The following ACAP2 variants were observed in gnomAD, a reference collection of about 807,000 sequenced individuals.
The protein encoded by ACAP2 is arf-GAP with coiled-coil, ANK repeat and PH domain-containing protein 2.
A neutral mutation model predicts 115.8 loss-of-function variants in ACAP2; 39 were observed. That is an observed-to-expected ratio of 0.34 (90% CI 0.26 to 0.44). ACAP2 has a LOEUF of 0.44. Ranked by LOEUF, ACAP2 falls within the 20% of genes least tolerant of loss-of-function variation. The pLI is 1.00. For missense variants in ACAP2, 662 were observed against 927.6 expected (o/e 0.71, Z 3.72); for synonymous variants, 289 against 315.8 (o/e 0.92, Z 0.90).
intron 4 of ACAP2, among the ~76,000 whole-genome samples, chr3:195,360,528 G>A (rs1183860782): frequency 6.6e-6 from 1 of 152,230 alleles, no homozygotes; most frequent in Non-Finnish European, 1.5e-5. Flanking sequence ...AGGTGCAGTG[G>A]CTCATGCCTG....
chr3:195,383,555 CAAAGAGA>C (rs1333354265), intron 2 of ACAP2, among the ~76,000 whole-genome samples: 1 of 146,754 alleles, frequency 6.8e-6, no homozygotes, highest in Non-Finnish European at 1.5e-5. Context: ...AATCAGAAAT[CAAAGAGA>C]AAAGAGAAGG....
chr3:195,405,331 C>G (rs1399287083), intron 1 of ACAP2, among the ~76,000 whole-genome samples: 3 of 152,198 alleles, frequency 2.0e-5, no homozygotes, highest in Non-Finnish European at 2.9e-5. Context: ...AGCCCAATCA[C>G]TTCCAATTAA....
chr3:195,376,840 A>G (rs1475288880), intron 4 of ACAP2, among the ~76,000 whole-genome samples: 1 of 152,210 alleles, frequency 6.6e-6, no homozygotes, highest in Non-Finnish European at 1.5e-5. Flanking sequence ...AAACTGATAT[A>G]CCAAAGCCCA....
At chr3:195,279,599 TGAAA>T (rs1726355622) in intron 22 of ACAP2, 171 bp from the exon 23 acceptor site, 5 of 416,388 alleles carry the variant, frequency 1.2e-5, no homozygotes, top group Non-Finnish European at 1.7e-5. Context: ...AATTATGCAA[TGAAA>T]GAAAAAAAAA....
At chr3:195,330,035 A>C (rs983592273) in intron 8 of ACAP2, among the ~76,000 whole-genome samples, 5 of 152,070 alleles carry the variant, frequency 3.3e-5, no homozygotes, top group African/African-American at 1.2e-4. Context: ...ATTCAGAGAT[A>C]TCTAACTCAC....
intron 1 of ACAP2, among the ~76,000 whole-genome samples, chr3:195,413,432 A>T (rs1378845313): frequency 6.6e-6 from 1 of 152,140 alleles, no homozygotes; most frequent in Non-Finnish European, 1.5e-5. Context: ...CTCAACAATA[A>T]AACATACAAC....
chr3:195,297,615 T>C (rs1727741118), intron 15 of ACAP2, among the ~76,000 whole-genome samples: 1 of 152,066 alleles, frequency 6.6e-6, no homozygotes, highest in African/African-American at 2.4e-5. Context: ...GCAAGAAGTA[T>C]GACAACAAAG....
chr3:195,332,628 T>C (rs1730248362), intron 8 of ACAP2, among the ~76,000 whole-genome samples: 1 of 152,124 alleles, frequency 6.6e-6, no homozygotes. Context: ...ATAATCCCCA[T>C]AATCCTCACG....
chr3:195,411,935 T>C (rs1713297324), intron 1 of ACAP2, among the ~76,000 whole-genome samples: 1 of 150,820 alleles, frequency 6.6e-6, no homozygotes, highest in Non-Finnish European at 1.5e-5. Flanking sequence ...AAACAAATTG[T>C]TTTTAAGCTG....
intron 4 of ACAP2, among the ~76,000 whole-genome samples, chr3:195,351,912 G>A (rs1731636835): frequency 6.6e-6 from 1 of 152,188 alleles, no homozygotes; most frequent in African/African-American, 2.4e-5. Context: ...TATGCCAAGT[G>A]TTGCTGAGCA....
At chr3:195,304,163 C>CAAAAAAAAAA (rs56055597) in intron 13 of ACAP2, among the ~76,000 whole-genome samples, 1 of 63,274 alleles carries the variant, frequency 1.6e-5, no homozygotes, top group Non-Finnish European at 2.6e-5. Flanking sequence ...GACTCCATCT[C>CAAAAAAAAAA]AAAAAAAAAA....
In ACAP2 at chr3:195,288,975, T is replaced by C. The variant is rs910835139; in HGVS notation, c.2174+146A>G. On this transcript the variant is annotated intron_variant, in intron 21 of 22. Coordinates refer to ENST00000326793, the MANE Select transcript of ACAP2 (RefSeq NM_012287.6). ...CATGGGAGGAGGTATGTAAGTTATA[T>C]GTAAATACATACCATTTTATATAAG... The C allele has an allele frequency of 6.9e-6, 4 of 578,224 alleles. 1 individual carries two copies. The highest frequency in any genetic ancestry group is 5.1e-5 in the South Asian group (2 of 39,286). The allele number at this position is 578,224 out of a possible 1,614,324, so 35.8% of individuals were successfully genotyped here.
intron 14 of ACAP2, 146 bp downstream of exon 14, chr3:195,301,820 G>T: frequency 8.4e-7 from 1 of 1,188,662 alleles, no homozygotes; most frequent in Non-Finnish European, 1.2e-6. Context: ...TACAAACCAG[G>T]ATTTTAACTA....
intron 8 of ACAP2, among the ~76,000 whole-genome samples, chr3:195,330,859 C>T (rs962548886): frequency 6.6e-6 from 1 of 152,006 alleles, no homozygotes; most frequent in Admixed American, 6.5e-5. Flanking sequence ...AGAGAGAAAA[C>T]ATATCTTTCA....
chr3:195,329,481 T>C (rs1199997809), intron 8 of ACAP2, among the ~76,000 whole-genome samples: 1 of 152,200 alleles, frequency 6.6e-6, no homozygotes, highest in East Asian at 1.9e-4. Context: ...TACCATCTGC[T>C]TTTAAGTTGG....
At chr3:195,426,941 C>T (rs966014231) in intron 1 of ACAP2, among the ~76,000 whole-genome samples, 4 of 151,984 alleles carry the variant, frequency 2.6e-5, no homozygotes, top group African/African-American at 4.8e-5. Flanking sequence ...CGCCACCCGC[C>T]CCCACCAAGG....
Position 195,392,167 on chromosome 3 carries a change from A to G in ACAP2, c.54-20T>C. 1 of 1,592,082 alleles carries G rather than the reference A, an allele frequency of 6.3e-7. No individual in the cohort carries two copies. The highest frequency in any genetic ancestry group is 1.3e-5 in the African/African-American group (1 of 74,260). On this transcript the variant is annotated intron_variant, in intron 1 of 22. Transcript: ENST00000326793. Reference sequence around the variant, plus strand: ...GCTGCCCTAGAAAAATTAAATATAAAATAAGTTATTTCGTTTGTTTAAATG... The same window carrying G: ...GCTGCCCTAGAAAAATTAAATATAAGATAAGTTATTTCGTTTGTTTAAATG...
intron 15 of ACAP2, among the ~76,000 whole-genome samples, chr3:195,297,819 C>A (rs1216798148): frequency 6.6e-6 from 1 of 152,158 alleles, no homozygotes; most frequent in South Asian, 2.1e-4. Flanking sequence ...AGATAACAAA[C>A]AACACCTAGT....
chr3:195,377,515 G>C (rs1224245241), intron 4 of ACAP2, among the ~76,000 whole-genome samples: 3 of 152,072 alleles, frequency 2.0e-5, no homozygotes, highest in East Asian at 3.8e-4. Context: ...TAACTACTGG[G>C]AGTATAACAG....
Sources: allele counts gnomAD v4.1 joint callset (sites outside exome capture counted in the v4.1 genomes callset), GRCh38; gene constraint gnomAD v4.1.1; transcripts MANE v1.5; gene names NCBI Gene and HGNC (gene_info 2026-07-23, HGNC 2026-07-21).